The following PDE4B variants were observed in gnomAD, a reference collection of about 807,000 sequenced individuals.
The protein encoded by PDE4B is 3',5'-cyclic-AMP phosphodiesterase 4B.
Under a neutral mutation model 82.2 loss-of-function variants are expected in PDE4B, and 20 were observed. The observed-to-expected ratio is 0.24, with a 90% CI of 0.17 to 0.35. The LOEUF is 0.35. PDE4B is among the 10% of genes least tolerant of loss of function. The pLI is 1.00. For missense variants in PDE4B, 655 were observed against 907.2 expected (o/e 0.72, Z 3.57); for synonymous variants, 320 against 318.9 (o/e 1.00, Z -0.04).
chr1:65,822,366 T>C (rs1011347146), intron 1 of PDE4B, among the ~76,000 whole-genome samples: 4 of 152,204 alleles, frequency 2.6e-5, no homozygotes, highest in East Asian at 1.9e-4. Context: ...GGAGTGAAAT[T>C]GCTGTCTTAA....
rs1159430584 is a variant in PDE4B at position 66,373,391 on chromosome 1, C to G, written c.*713C>G. On this transcript the variant is annotated 3_prime_UTR_variant, in exon 17 of 17. Transcript: ENST00000341517. ...CTCCAACAGTACTTTTAACTTTTTG[C>G]TGTAAACAGAATAAAATTGAACAAA... 1 of 152,652 alleles carries G rather than the reference C, an allele frequency of 6.6e-6. No homozygotes were observed. Among genetic ancestry groups the G allele is most frequent in the Non-Finnish European group, 1.5e-5 (1 of 68,106 alleles). The allele number at this position is 152,652 out of a possible 1,614,324, so 9.5% of individuals were successfully genotyped here. A position where few individuals can be genotyped will look rare whatever the true frequency, so the allele number is the denominator to read the frequency against.
intron 3 of PDE4B, among the ~76,000 whole-genome samples, chr1:66,044,342 C>A (rs151308404): frequency 4.2e-4 from 64 of 151,758 alleles, no homozygotes; most frequent in Admixed American, 1.7e-3. Flanking sequence ...TTGTAAAAAT[C>A]TTTACATGCC....
chr1:66,338,581 G>A (rs914821912), intron 8 of PDE4B, among the ~76,000 whole-genome samples: 3 of 152,276 alleles, frequency 2.0e-5, no homozygotes, highest in African/African-American at 7.2e-5. Flanking sequence ...GCCTATTTCA[G>A]ATCAATTTGC....
At chr1:66,226,702 T>C (rs753942775) in intron 3 of PDE4B, among the ~76,000 whole-genome samples, 6 of 152,218 alleles carry the variant, frequency 3.9e-5, no homozygotes, top group Non-Finnish European at 8.8e-5. Context: ...GAGAGCAGAT[T>C]GTGGAAATTC....
chr1:65,889,997 C>T (rs1436857741), intron 1 of PDE4B, among the ~76,000 whole-genome samples: 3 of 151,986 alleles, frequency 2.0e-5, no homozygotes, highest in African/African-American at 7.2e-5. Flanking sequence ...TTTTAAAGTC[C>T]AGCTTTTAAA....
chr1:66,320,065 A>C, intron 7 of PDE4B, among the ~76,000 whole-genome samples: 1 of 152,170 alleles, frequency 6.6e-6, no homozygotes, highest in East Asian at 1.9e-4. Flanking sequence ...GGTGTGACCT[A>C]TTTCTAATTT....
At chr1:66,079,502 T>G (rs565344505) in intron 3 of PDE4B, among the ~76,000 whole-genome samples, 73 of 152,262 alleles carry the variant, frequency 4.8e-4, no homozygotes, top group African/African-American at 1.7e-3. Context: ...CACATCGTTT[T>G]TGTAGTACAT....
intron 3 of PDE4B, among the ~76,000 whole-genome samples, chr1:65,950,130 G>A (rs919653681): frequency 6.6e-6 from 1 of 152,028 alleles, no homozygotes; most frequent in African/African-American, 2.4e-5. Context: ...ACTTGAACCT[G>A]TCATTTTCTC....
At chr1:66,020,346 C>A (rs575010287) in intron 3 of PDE4B, among the ~76,000 whole-genome samples, 2 of 151,930 alleles carry the variant, frequency 1.3e-5, no homozygotes, top group African/African-American at 4.8e-5. Flanking sequence ...TTAAGCTCTA[C>A]GGTACATGTG....
intron 3 of PDE4B, among the ~76,000 whole-genome samples, chr1:66,067,999 C>T (rs760867677): frequency 4.6e-5 from 7 of 150,642 alleles, no homozygotes; most frequent in Admixed American, 6.6e-5. Context: ...TGCTAAATGA[C>T]GAGTTAATGG....
At chr1:66,333,875 GA>G (rs964220861) in intron 8 of PDE4B, among the ~76,000 whole-genome samples, 15 of 151,548 alleles carry the variant, frequency 9.9e-5, no homozygotes, top group African/African-American at 3.4e-4. Context: ...GTTTAAGTTG[GA>G]AGGGAAAAAA....
At chr1:66,211,258 A>T (rs1429402734) in intron 3 of PDE4B, among the ~76,000 whole-genome samples, 1 of 152,240 alleles carries the variant, frequency 6.6e-6, no homozygotes, top group Non-Finnish European at 1.5e-5. Context: ...TGTATAAAAG[A>T]CATGGCTTTC....
chr1:65,880,210 C>T (rs1285207549), intron 1 of PDE4B, among the ~76,000 whole-genome samples: 1 of 152,204 alleles, frequency 6.6e-6, no homozygotes. Context: ...ATGCTGGGTA[C>T]TCTGAACACC....
In PDE4B at chr1:65,868,871, A is replaced by T. The variant is rs571173324; in HGVS notation, c.-70-44374A>T. 3.9e-5 allele frequency among the ~76,000 whole-genome samples: 6 copies of T among 152,308 alleles called. No homozygotes were observed. In the South Asian group the frequency reaches 8.3e-4, roughly 21 times the overall value. ...GGTTGCACACTTTTTATGAGAATCT[A>T]ACTAATGCCTGATGATCTGATGTGG... On this transcript the variant is annotated intron_variant, in intron 1 of 16. Transcript: ENST00000341517.
intron 7 of PDE4B, among the ~76,000 whole-genome samples, chr1:66,309,165 C>T (rs1249537368): frequency 6.6e-6 from 1 of 152,152 alleles, no homozygotes; most frequent in Non-Finnish European, 1.5e-5. Context: ...TAAGGAAACA[C>T]CACCTGCCTT....
chr1:66,009,179 A>G (rs538478159), intron 3 of PDE4B, among the ~76,000 whole-genome samples: 34 of 152,276 alleles, frequency 2.2e-4, no homozygotes, highest in African/African-American at 7.9e-4. Context: ...CTCAGGTCAG[A>G]AATCTTGGAG....
At chr1:65,976,122 G>T (rs777036497) in intron 3 of PDE4B, among the ~76,000 whole-genome samples, 1 of 152,168 alleles carries the variant, frequency 6.6e-6, no homozygotes, top group Non-Finnish European at 1.5e-5. Flanking sequence ...GAAAGCAGAT[G>T]TAGGGGCTGT....
At chr1:66,365,008 T>C (rs1331472059) in intron 12 of PDE4B, among the ~76,000 whole-genome samples, 3 of 152,160 alleles carry the variant, frequency 2.0e-5, no homozygotes, top group Non-Finnish European at 4.4e-5. Flanking sequence ...TTATTAATAC[T>C]AGGTTTGAAT....
Position 66,365,681 on chromosome 1 carries a change from T to G in PDE4B, c.1299T>G (p.Asp433Glu). 1 of 1,607,980 alleles carries G rather than the reference T, an allele frequency of 6.2e-7. No individual in the cohort carries two copies. The highest frequency in any genetic ancestry group is 8.5e-7 in the Non-Finnish European group (1 of 1,175,128). ...TTGCCCGACAGGCTGTCTTCACAGA[T>G]TTGGAGATCCTGGCTGCCATTTTTG... ...STPALDAVFT[D>E]LEILAAIFAA... Residue 433 changes from aspartate (D) to glutamate (E), a missense_variant, in exon 13 of 17, where the codon GAT becomes GAG. Physicochemically the swap from Asp to Glu is conservative, Grantham distance 45 (BLOSUM62 2). Around this residue, in one of 3 missense-constraint regions of PDE4B, gnomAD observed 283 missense variants for 516.4 expected, o/e 0.55. Transcript: ENST00000341517.
Sources: allele counts gnomAD v4.1 joint callset (sites outside exome capture counted in the v4.1 genomes callset), GRCh38; gene constraint gnomAD v4.1.1; regional missense constraint gnomAD v4.1.1; transcripts MANE v1.5; gene names NCBI Gene and HGNC (gene_info 2026-07-23, HGNC 2026-07-21).